The following TBC1D5 variants were observed in gnomAD, a reference collection of about 807,000 sequenced individuals.
TBC1D5 encodes the protein TBC1 domain family member 5.
A neutral mutation model predicts 100.3 loss-of-function variants in TBC1D5; 75 were observed. The observed-to-expected ratio is 0.75, with a 90% confidence interval of 0.62 to 0.91. The LOEUF (loss-of-function observed/expected upper bound fraction) is 0.91. Among genes scored for constraint, TBC1D5 ranks in the 40% least tolerant of loss-of-function variants. The pLI is 0.00. For missense variants in TBC1D5, 910 were observed against 942.4 expected, an observed-to-expected ratio of 0.97 and a Z score of 0.45; for synonymous variants, 323 against 325.6, an observed-to-expected ratio of 0.99 and a Z score of 0.09.
chr3:17,505,296 A>G (rs1401121509), intron 3 of TBC1D5, among the ~76,000 whole-genome samples: 1 of 152,034 alleles, frequency 6.6e-6, no homozygotes, highest in Non-Finnish European at 1.5e-5. Flanking sequence ...CTTGAGATCT[A>G]GTTGCTTAAG....
intron 17 of TBC1D5, among the ~76,000 whole-genome samples, chr3:17,234,935 C>T (rs947338994): frequency 3.9e-5 from 6 of 152,242 alleles, no homozygotes; most frequent in Admixed American, 2.6e-4. Context: ...TAAATAGGAA[C>T]ATACCACAAA....
chr3:17,257,429 T>C (rs75183311), intron 16 of TBC1D5, among the ~76,000 whole-genome samples: 164 of 152,310 alleles, frequency 1.1e-3, no homozygotes, highest in Non-Finnish European at 1.9e-3. Flanking sequence ...CAAGTGACTA[T>C]AGCAAATAAA....
At chr3:17,317,036 C>A (rs2150811793) in intron 13 of TBC1D5, among the ~76,000 whole-genome samples, 1 of 152,272 alleles carries the variant, frequency 6.6e-6, no homozygotes, top group East Asian at 1.9e-4. Context: ...ATAATCCCAT[C>A]AATCTGGTTT....
intron 1 of TBC1D5, among the ~76,000 whole-genome samples, chr3:17,688,597 T>C (rs942841493): frequency 6.6e-6 from 1 of 152,208 alleles, no homozygotes; most frequent in South Asian, 2.1e-4. Flanking sequence ...GGGCAAAACA[T>C]AGATGTTTCT....
At chr3:17,613,164 CTGA>C (rs1168619071) in intron 2 of TBC1D5, among the ~76,000 whole-genome samples, 1 of 152,086 alleles carries the variant, frequency 6.6e-6, no homozygotes, top group Admixed American at 6.6e-5. Flanking sequence ...AGATAGTTTG[CTGA>C]GAATGATGGT....
At chr3:17,484,811 G>A (rs1398524606) in intron 3 of TBC1D5, among the ~76,000 whole-genome samples, 2 of 151,988 alleles carry the variant, frequency 1.3e-5, no homozygotes, top group East Asian at 3.9e-4. Flanking sequence ...TGCTACCATA[G>A]ACTTCCTTTC....
intron 3 of TBC1D5, among the ~76,000 whole-genome samples, chr3:17,468,743 A>G (rs1042698799): frequency 6.6e-6 from 1 of 152,184 alleles, no homozygotes; most frequent in Non-Finnish European, 1.5e-5. Context: ...TCACCAAATC[A>G]AAAACATGAT....
chr3:17,681,587 A>T (rs1046338788), intron 1 of TBC1D5, among the ~76,000 whole-genome samples: 1 of 151,712 alleles, frequency 6.6e-6, no homozygotes, highest in Non-Finnish European at 1.5e-5. Context: ...AAAACTGCCA[A>T]CTTTATCAAC....
At chr3:17,693,200 T>G (rs1315731556) in intron 1 of TBC1D5, among the ~76,000 whole-genome samples, 1 of 152,158 alleles carries the variant, frequency 6.6e-6, no homozygotes, top group Admixed American at 6.5e-5. Context: ...CATTTCCAAC[T>G]GAGGTACCTG....
chr3:17,207,241 T>C (rs2072331343), intron 18 of TBC1D5, among the ~76,000 whole-genome samples: 1 of 152,150 alleles, frequency 6.6e-6, no homozygotes, highest in Non-Finnish European at 1.5e-5. Flanking sequence ...TCATAGAACA[T>C]GACTAACAGT....
intron 14 of TBC1D5, among the ~76,000 whole-genome samples, chr3:17,295,505 G>A (rs2082155592): frequency 6.6e-6 from 1 of 152,126 alleles, no homozygotes; most frequent in Non-Finnish European, 1.5e-5. Context: ...CTGAAGAGAT[G>A]GTTTACTTTC....
exon 3 of TBC1D5, chr3:17,508,532 C>A: frequency 6.2e-7 from 1 of 1,613,686 alleles, no homozygotes; most frequent in Non-Finnish European, 8.5e-7. Flanking sequence ...GTTCTTCTGG[C>A]TGCAGAGGAT....
intron 13 of TBC1D5, among the ~76,000 whole-genome samples, chr3:17,335,692 G>A (rs961469861): frequency 4.6e-5 from 7 of 152,094 alleles, no homozygotes; most frequent in Admixed American, 2.6e-4. Flanking sequence ...GTTTTAAGGA[G>A]TCTATATAGA....
At chr3:17,634,971 ATTATATGCTTT>A (rs1288184607) in intron 1 of TBC1D5, among the ~76,000 whole-genome samples, 1 of 151,384 alleles carries the variant, frequency 6.6e-6, no homozygotes, top group Non-Finnish European at 1.5e-5. Flanking sequence ...ATACTTGTAG[ATTATATGCTTT>A]TTATATGTGG....
intron 1 of TBC1D5, among the ~76,000 whole-genome samples, chr3:17,651,101 T>C (rs2065507129): frequency 6.6e-6 from 1 of 152,188 alleles, no homozygotes; most frequent in South Asian, 2.1e-4. Context: ...TTAGCTAAAG[T>C]TGTTATTCAA....
chr3:17,418,185 G>A (rs1038422391), intron 4 of TBC1D5, among the ~76,000 whole-genome samples: 9 of 152,026 alleles, frequency 5.9e-5, no homozygotes, highest in Non-Finnish European at 7.4e-5. Context: ...CAGCTTTATT[G>A]ATTTTCTTCA....
chr3:17,615,724 G>A (rs1165060842), intron 2 of TBC1D5, among the ~76,000 whole-genome samples: 1 of 152,204 alleles, frequency 6.6e-6, no homozygotes. Context: ...TGTGGGATCA[G>A]TGATAATATT....
intron 2 of TBC1D5, among the ~76,000 whole-genome samples, chr3:17,604,117 T>C (rs2061181131): frequency 6.6e-6 from 1 of 151,914 alleles, no homozygotes; most frequent in Admixed American, 6.6e-5. Flanking sequence ...ACCTAGCTAA[T>C]TTCTTTGTTT....
At chr3:17,254,771 G>GT (rs1170984357) in intron 16 of TBC1D5, among the ~76,000 whole-genome samples, 6 of 101,154 alleles carry the variant, frequency 5.9e-5, no homozygotes, top group Middle Eastern at 6.7e-3. Flanking sequence ...GGGGGTGGGG[G>GT]GGGGGTCCCA....
Sources: allele counts gnomAD v4.1 joint callset (sites outside exome capture counted in the v4.1 genomes callset), GRCh38; gene constraint gnomAD v4.1.1; transcripts MANE v1.5; gene names NCBI Gene and HGNC (gene_info 2026-07-23, HGNC 2026-07-21).